The following SLC25A48 variants were observed in gnomAD, a reference collection of about 807,000 sequenced individuals.
The protein encoded by SLC25A48 is CTC-321K16.1.
Under a neutral mutation model 32.2 loss-of-function variants are expected in SLC25A48, and 29 were observed. The observed-to-expected ratio is 0.90, with a 90% CI of 0.67 to 1.23. SLC25A48 has a LOEUF of 1.23. Among genes scored for constraint, SLC25A48 ranks in the 50% most tolerant of loss-of-function variants. SLC25A48 has a pLI of 0.00. For synonymous variants in SLC25A48, 164 were observed against 172.3 expected, an observed-to-expected ratio of 0.95 and a Z score of 0.38; for missense variants, 399 against 422.7, an observed-to-expected ratio of 0.94 and a Z score of 0.49.
At chr5:135,755,046 G>A (rs1755863046) in intron 3 of SLC25A48, among the ~76,000 whole-genome samples, 1 of 151,968 alleles carries the variant, frequency 6.6e-6, no homozygotes, top group Non-Finnish European at 1.5e-5. Flanking sequence ...TTTACACACT[G>A]TGATATTAAG....
chr5:135,847,152 T>G (rs931605719), intron 2 of SLC25A48, among the ~76,000 whole-genome samples: 2 of 152,194 alleles, frequency 1.3e-5, no homozygotes, highest in Admixed American at 6.5e-5. Context: ...CCATAATAAC[T>G]AAAAGCACTG....
intron 3 of SLC25A48, among the ~76,000 whole-genome samples, chr5:135,725,827 G>T (rs571941673): frequency 2.0e-5 from 3 of 151,818 alleles, no homozygotes; most frequent in African/African-American, 7.2e-5. Context: ...GCATTTCTTG[G>T]ACCTTGCAAA....
At chr5:135,759,093 CAAT>C (rs1041593658) in intron 3 of SLC25A48, among the ~76,000 whole-genome samples, 49 of 151,406 alleles carry the variant, frequency 3.2e-4, no homozygotes, top group African/African-American at 1.2e-3. Flanking sequence ...TGTTAACACA[CAAT>C]AATATTAATA....
intron 4 of SLC25A48, among the ~76,000 whole-genome samples, chr5:135,813,552 G>A (rs1447822784): frequency 6.6e-6 from 1 of 152,162 alleles, no homozygotes; most frequent in Admixed American, 6.5e-5. Flanking sequence ...CACTGGTGTT[G>A]TTACTATGAC....
intron 1 of SLC25A48, among the ~76,000 whole-genome samples, chr5:135,615,635 C>G (rs912735141): frequency 6.6e-6 from 1 of 152,002 alleles, no homozygotes; most frequent in African/African-American, 2.4e-5. Flanking sequence ...AATTTGCAGC[C>G]CGGCCGTATG....
intron 3 of SLC25A48, among the ~76,000 whole-genome samples, chr5:135,687,373 T>G (rs1411728197): frequency 6.6e-6 from 1 of 152,226 alleles, no homozygotes; most frequent in East Asian, 1.9e-4. Flanking sequence ...TATTTATACA[T>G]GCAAAATGCT....
chr5:135,796,257 G>A (rs62364709), intron 3 of SLC25A48, among the ~76,000 whole-genome samples: 5 of 150,948 alleles, frequency 3.3e-5, no homozygotes, highest in Admixed American at 1.3e-4. Context: ...AGTACATCAC[G>A]CCGCGATGTG....
chr5:135,881,629 C>G (rs920740399), intron 7 of SLC25A48, among the ~76,000 whole-genome samples: 8 of 152,218 alleles, frequency 5.3e-5, no homozygotes, highest in African/African-American at 1.9e-4. Flanking sequence ...ATTCTTAAAG[C>G]TGTGCTCAGA....
At chr5:135,868,139 A>G (rs1463520608) in intron 4 of SLC25A48, among the ~76,000 whole-genome samples, 1 of 152,264 alleles carries the variant, frequency 6.6e-6, no homozygotes, top group Non-Finnish European at 1.5e-5. Context: ...TACAAAGTAT[A>G]GTTCAATTAA....
chr5:135,579,983 G>A (rs1029167523), intron 1 of SLC25A48, among the ~76,000 whole-genome samples: 11 of 152,212 alleles, frequency 7.2e-5, no homozygotes, highest in Non-Finnish European at 1.2e-4. Flanking sequence ...TTCTGATAGG[G>A]TGGCTGTGAG....
chr5:135,592,265 C>G (rs936279868), intron 1 of SLC25A48, among the ~76,000 whole-genome samples: 1 of 152,190 alleles, frequency 6.6e-6, no homozygotes, highest in Non-Finnish European at 1.5e-5. Context: ...AGCGCTGAGC[C>G]CTTCACCCCC....
upstream of SLC25A48, among the ~76,000 whole-genome samples, chr5:135,832,943 T>C (rs761461198): frequency 9.2e-5 from 14 of 152,036 alleles, no homozygotes; most frequent in Non-Finnish European, 1.6e-4. Context: ...CTCTCCCGAG[T>C]GTAGAATGCA....
intron 4 of SLC25A48, among the ~76,000 whole-genome samples, chr5:135,854,315 C>A (rs1048006222): frequency 6.6e-6 from 1 of 152,224 alleles, no homozygotes; most frequent in Non-Finnish European, 1.5e-5. Context: ...ATTGACGTCT[C>A]CTCTCTAGCT....
chr5:135,829,266 C>T (rs996070156), intron 4 of SLC25A48, among the ~76,000 whole-genome samples: 4 of 152,146 alleles, frequency 2.6e-5, no homozygotes, highest in Non-Finnish European at 5.9e-5. Flanking sequence ...GACAGCAGCA[C>T]GCAGCAGGGT....
At chr5:135,717,228 C>A (rs1164767092) in intron 3 of SLC25A48, among the ~76,000 whole-genome samples, 1 of 152,226 alleles carries the variant, frequency 6.6e-6, no homozygotes, top group Non-Finnish European at 1.5e-5. Flanking sequence ...TCCTGCAGGT[C>A]CTGCCCACTG....
At chr5:135,686,725 A>G (rs1295003411) in intron 3 of SLC25A48, among the ~76,000 whole-genome samples, 2 of 152,206 alleles carry the variant, frequency 1.3e-5, no homozygotes. Context: ...AGATAGAAGA[A>G]TGAATGAATG....
chr5:135,653,163 A>G (rs1009662557), intron 3 of SLC25A48, among the ~76,000 whole-genome samples: 2 of 152,192 alleles, frequency 1.3e-5, no homozygotes, highest in African/African-American at 4.8e-5. Flanking sequence ...TGAGAAATAA[A>G]TTTCTGTTCT....
chr5:135,730,829 G>A (rs1436381143), intron 3 of SLC25A48, among the ~76,000 whole-genome samples: 2 of 152,208 alleles, frequency 1.3e-5, no homozygotes, highest in African/African-American at 4.8e-5. Flanking sequence ...TGGAGCAAAG[G>A]TGACATGTGC....
intron 7 of SLC25A48, among the ~76,000 whole-genome samples, chr5:135,882,178 C>T (rs1762523839): frequency 6.6e-6 from 1 of 152,246 alleles, no homozygotes; most frequent in Non-Finnish European, 1.5e-5. Context: ...ACTGCTAAGG[C>T]AGGGAGGAGG....
Sources: gnomAD v4.1 joint callset for allele counts (sites outside exome capture counted in the v4.1 genomes callset) on GRCh38, gnomAD v4.1.1 for gene constraint, MANE v1.5 for transcripts, NCBI Gene and HGNC (gene_info 2026-07-23, HGNC 2026-07-21) for gene names.